CAMK2D: variants seen among roughly 807,000 people sequenced by gnomAD.
CAMK2D encodes the protein calcium/calmodulin dependent protein kinase II delta.
A neutral mutation model predicts 84.0 loss-of-function variants in CAMK2D; 37 were observed. That is an observed-to-expected ratio of 0.44 (90% CI 0.34 to 0.58). The LOEUF (loss-of-function observed/expected upper bound fraction) is 0.58, where lower values mean the gene tolerates loss of function less well. Among genes scored for constraint, CAMK2D ranks in the 20% least tolerant of loss-of-function variants. The pLI is 0.02. For synonymous variants in CAMK2D, 202 were observed against 212.5 expected (o/e 0.95, Z 0.43); for missense variants, 448 against 652.5 (o/e 0.69, Z 3.41).
chr4:113,708,082 T>TA (rs576585853), intron 2 of CAMK2D, among the ~76,000 whole-genome samples: 43 of 151,208 alleles, frequency 2.8e-4, no homozygotes, highest in South Asian at 6.3e-4. Flanking sequence ...ATACCAACCA[T>TA]AAAAAAAAAG....
chr4:113,532,336 A>G (rs1185912177), intron 7 of CAMK2D, among the ~76,000 whole-genome samples: 1 of 152,200 alleles, frequency 6.6e-6, no homozygotes, highest in Non-Finnish European at 1.5e-5. Flanking sequence ...GATTGGATAG[A>G]CAATGAGAAG....
intron 4 of CAMK2D, among the ~76,000 whole-genome samples, chr4:113,592,114 G>T (rs1398441789): frequency 6.6e-6 from 1 of 152,090 alleles, no homozygotes; most frequent in East Asian, 1.9e-4. Flanking sequence ...AAAGCTGAGG[G>T]GGGTTGGTGG....
intron 2 of CAMK2D, among the ~76,000 whole-genome samples, chr4:113,732,178 C>T (rs2099570599): frequency 6.6e-6 from 1 of 151,712 alleles, no homozygotes; most frequent in Non-Finnish European, 1.5e-5. Flanking sequence ...GGCTGGAATT[C>T]AGTGGTGCGA....
intron 2 of CAMK2D, among the ~76,000 whole-genome samples, chr4:113,699,617 T>C (rs2099412386): frequency 6.6e-6 from 1 of 152,132 alleles, no homozygotes; most frequent in Admixed American, 6.6e-5. Flanking sequence ...ATCAGATTTA[T>C]GGGGAATAAA....
intron 4 of CAMK2D, among the ~76,000 whole-genome samples, chr4:113,569,777 G>A (rs1591366451): frequency 6.6e-6 from 1 of 152,176 alleles, no homozygotes; most frequent in East Asian, 1.9e-4. Context: ...TTATGTTGTT[G>A]TAATTTAGAA....
intron 6 of CAMK2D, among the ~76,000 whole-genome samples, chr4:113,541,647 T>A (rs958432673): frequency 6.6e-6 from 1 of 152,266 alleles, no homozygotes; most frequent in South Asian, 2.1e-4. Context: ...AATTTTATTA[T>A]CCCATATTAT....
chr4:113,501,657 T>C (rs1350568074), intron 15 of CAMK2D, among the ~76,000 whole-genome samples: 2 of 152,152 alleles, frequency 1.3e-5, no homozygotes, highest in African/African-American at 4.8e-5. Flanking sequence ...CATTTCTTAA[T>C]GTGACCTAGT....
intron 18 of CAMK2D, among the ~76,000 whole-genome samples, chr4:113,459,526 AT>A (rs933467063): frequency 1.3e-5 from 2 of 151,666 alleles, no homozygotes; most frequent in Non-Finnish European, 2.9e-5. Flanking sequence ...TGCCTGCCTA[AT>A]TTTTTTATAT....
In CAMK2D at chr4:113,500,529, C is replaced by T. The variant is rs753160783; in HGVS notation, c.1087-18G>A. On this transcript the variant is annotated intron_variant, in intron 15 of 20. Coordinates refer to ENST00000511664, the MANE Select transcript of CAMK2D (RefSeq NM_001321571.2). ...GTTGACTCCTGATGAGAAGAAAACA[C>T]ATTTTTAGGTTGCACGCAATGAATA... 2 of 1,566,120 alleles carry T rather than the reference C, an allele frequency of 1.3e-6. No homozygotes were observed. The highest frequency in any genetic ancestry group is 2.3e-5 in the South Asian group (2 of 88,182).
intron 4 of CAMK2D, among the ~76,000 whole-genome samples, chr4:113,570,910 T>A (rs1477606458): frequency 1.3e-5 from 2 of 152,148 alleles, no homozygotes; most frequent in Non-Finnish European, 2.9e-5. Context: ...GATAATAGGT[T>A]AATACGCAAA....
At chr4:113,732,907 G>A (rs1435331520) in intron 2 of CAMK2D, among the ~76,000 whole-genome samples, 1 of 152,014 alleles carries the variant, frequency 6.6e-6, no homozygotes, top group Non-Finnish European at 1.5e-5. Flanking sequence ...TAGAAGCACT[G>A]TACAATATAA....
At chr4:113,684,394 T>G (rs2099353820) in intron 2 of CAMK2D, among the ~76,000 whole-genome samples, 1 of 152,166 alleles carries the variant, frequency 6.6e-6, no homozygotes, top group Non-Finnish European at 1.5e-5. Flanking sequence ...CTCATATACA[T>G]GCCAGAATAT....
intron 3 of CAMK2D, among the ~76,000 whole-genome samples, chr4:113,613,070 C>A (rs908406963): frequency 3.9e-5 from 6 of 152,078 alleles, no homozygotes; most frequent in Admixed American, 3.9e-4. Context: ...TAGAAGTTTT[C>A]TATTTAATTC....
chr4:113,595,149 A>G (rs1446135385), intron 4 of CAMK2D, among the ~76,000 whole-genome samples: 1 of 152,138 alleles, frequency 6.6e-6, no homozygotes, highest in Non-Finnish European at 1.5e-5. Context: ...ACAAAACCAA[A>G]AAACCCTAGA....
intron 2 of CAMK2D, among the ~76,000 whole-genome samples, chr4:113,722,973 T>C (rs942283597): frequency 1.2e-4 from 18 of 152,228 alleles, no homozygotes; most frequent in African/African-American, 3.9e-4. Context: ...ATATTAAAAA[T>C]GGGGAAGAAT....
chr4:113,647,058 A>C (rs959748273), intron 3 of CAMK2D, among the ~76,000 whole-genome samples: 2 of 152,168 alleles, frequency 1.3e-5, no homozygotes, highest in Admixed American at 6.5e-5. Flanking sequence ...TTGTTACACC[A>C]TAGTAACACA....
chr4:113,536,942 T>C (rs991831230), intron 7 of CAMK2D, among the ~76,000 whole-genome samples: 16 of 152,218 alleles, frequency 1.1e-4, no homozygotes, highest in South Asian at 2.1e-4. Context: ...TGAAATATCC[T>C]GTGTTTCTTG....
At chr4:113,739,853 C>T (rs867003579) in intron 2 of CAMK2D, among the ~76,000 whole-genome samples, 3 of 152,164 alleles carry the variant, frequency 2.0e-5, no homozygotes, top group African/African-American at 7.2e-5. Context: ...CAAAGATATA[C>T]TGTGTGATGC....
chr4:113,755,457 A>C (rs2099626524), intron 2 of CAMK2D, among the ~76,000 whole-genome samples: 1 of 151,946 alleles, frequency 6.6e-6, no homozygotes, highest in Non-Finnish European at 1.5e-5. Context: ...TTAACCCTAT[A>C]CTATAATGTA....
Sources: allele counts gnomAD v4.1 joint callset (sites outside exome capture counted in the v4.1 genomes callset), GRCh38; gene constraint gnomAD v4.1.1; transcripts MANE v1.5; gene names NCBI Gene and HGNC (gene_info 2026-07-23, HGNC 2026-07-21).